Variants in MYBPC1 observed in about 807,000 individuals in gnomAD.
MYBPC1 encodes the protein myosin-binding protein C, slow-type.
A neutral mutation model predicts 147.1 loss-of-function variants in MYBPC1; 52 were observed. That is an observed-to-expected ratio of 0.35 (90% CI 0.28 to 0.45). MYBPC1 has a LOEUF of 0.45. Ranked by LOEUF, MYBPC1 falls within the 20% of genes least tolerant of loss-of-function variation. MYBPC1 has a pLI of 1.00. For synonymous variants in MYBPC1, 477 were observed against 475.9 expected (o/e 1.00, Z -0.03); for missense variants, 1,228 against 1,440.3 (o/e 0.85, Z 2.39).
In MYBPC1 at chr12:101,617,223, C is replaced by T; in HGVS notation, c.83C>T (p.Ala28Val). 1 of 1,613,732 alleles carries T rather than the reference C, an allele frequency of 6.2e-7. No homozygotes were observed. Among genetic ancestry groups the T allele is most frequent in the Non-Finnish European group, 8.5e-7 (1 of 1,179,836 alleles). The change falls in exon 3 of 32, where the codon GCC becomes GTC. Residue 28 changes from alanine to valine, a missense_variant. This residue lies in a region of MYBPC1 where 151 missense variants were observed against 126.1 expected (regional missense o/e 1.20). Coordinates refer to ENST00000361466, the MANE Select transcript of MYBPC1 (RefSeq NM_002465.4). ...PPEEPSKEKEAGTTPAKDEEE... is the reference protein window; with the variant it reads ...PPEEPSKEKEVGTTPAKDEEE... ...ACAGAACCAAGTAAAGAGAAGGAGG[C>T]CGGAACTACACCAGCAAAAGGTGAG...
downstream of MYBPC1, among the ~76,000 whole-genome samples, chr12:101,690,597 T>C (rs561148328): frequency 3.3e-5 from 5 of 152,288 alleles, no homozygotes; most frequent in South Asian, 1.0e-3. Context: ...AGAAAAAGAT[T>C]ATAAATAAAA....
chr12:101,600,702 A>T (rs1879552458), intron 1 of MYBPC1, among the ~76,000 whole-genome samples: 1 of 152,214 alleles, frequency 6.6e-6, no homozygotes, highest in African/African-American at 2.4e-5. Flanking sequence ...GATTATAATT[A>T]ATAATGACTA....
At chr12:101,659,970 CT>C in intron 19 of MYBPC1, 139 bp downstream of exon 19, 1 of 1,156,944 alleles carries the variant, frequency 8.6e-7, no homozygotes, top group Admixed American at 2.0e-5. Flanking sequence ...GCCTAGAGGA[CT>C]TATCATTGGA....
In MYBPC1 at chr12:101,673,435, A is replaced by G. The variant is rs967682894; in HGVS notation, c.2622A>G (p.Pro874=). The G allele has an allele frequency of 2.5e-6, 4 of 1,612,532 alleles. No homozygotes were observed. In the African/African-American group the frequency reaches 5.3e-5, roughly 22 times the overall value. The stretch of plus-strand genomic sequence containing the variant: ...GCTGTCTTTCTTTTTAGGGAAAACC[A>G]AGACCAGAATTAACTTGGAAGAAGG... ...VNLVIPFQGK[P]RPELTWKKDG... Residue 874 remains proline, a synonymous_variant, in exon 25 of 32, where the codon CCA becomes CCG. Coordinates refer to ENST00000361466, the MANE Select transcript of MYBPC1 (RefSeq NM_002465.4).
At chr12:101,686,615 A>AG (rs1951351208), downstream of MYBPC1, among the ~76,000 whole-genome samples, 2 of 152,212 alleles carry the variant, frequency 1.3e-5, no homozygotes, top group Admixed American at 1.3e-4. Flanking sequence ...AAGGTACCAC[A>AG]GCATTACTGT....
intron 15 of MYBPC1, 42 bp downstream of exon 15, chr12:101,649,468 A>G (rs760405193): frequency 3.7e-6 from 6 of 1,603,188 alleles, no homozygotes; most frequent in Non-Finnish European, 5.1e-6. Flanking sequence ...TGGGCTTATT[A>G]ATGATGGTTG....
rs765189632 is a variant in MYBPC1 at position 101,651,212 on chromosome 12, T to C, written c.1364-19T>C. On this transcript the variant is annotated intron_variant, in intron 15 of 31. Transcript: ENST00000361466. The stretch of plus-strand genomic sequence containing the variant: ...GGGAGTTTGGGCTTGGCATTTGTGA[T>C]GGTCTATCATTTCTACAGTGAAACC... 8.1e-6 allele frequency: 13 copies of C among 1,613,978 alleles called. No homozygotes were observed. In the East Asian group the frequency reaches 2.9e-4, roughly 36 times the overall value.
At chr12:101,645,250 G>A (rs901099082) in intron 12 of MYBPC1, among the ~76,000 whole-genome samples, 2 of 152,132 alleles carry the variant, frequency 1.3e-5, no homozygotes, top group African/African-American at 4.8e-5. Flanking sequence ...ACTGTTTTGA[G>A]CACTTGCAAT....
chr12:101,663,187 A>G (rs750462871), intron 21 of MYBPC1, among the ~76,000 whole-genome samples: 1 of 152,218 alleles, frequency 6.6e-6, no homozygotes, highest in Non-Finnish European at 1.5e-5. Context: ...TGGGCCTCCC[A>G]GCTTCCCACA....
At chr12:101,627,957 T>C in intron 5 of MYBPC1, 153 bp downstream of exon 5, 1 of 887,942 alleles carries the variant, frequency 1.1e-6, no homozygotes, top group Non-Finnish European at 1.8e-6. Flanking sequence ...ACAAGAAAAC[T>C]AATGTATTGA....
chr12:101,683,695 A>G lies in MYBPC1; in HGVS notation c.3493-687A>G, dbSNP rs78589117. Among the ~76,000 whole-genome samples, 113 of 152,308 alleles carry G rather than the reference A, an allele frequency of 7.4e-4. 1 individual carries two copies. Among genetic ancestry groups the G allele is most frequent in the African/African-American group, 2.5e-3 (102 of 41,564 alleles). ...AATTAAGAGTTTTTTGCAGCTGGGT[A>G]TGCAACCTGATAAAAACCCTGATAA... On this transcript the variant is annotated intron_variant, in intron 30 of 31. Transcript: ENST00000361466.
rs1457883727 is a variant in MYBPC1 at position 101,685,780 on chromosome 12, T to C, written c.*218T>C. 1.1e-5 allele frequency: 9 copies of C among 817,050 alleles called. No homozygotes were observed. Among genetic ancestry groups the C allele is most frequent in the Non-Finnish European group, 1.4e-5 (8 of 552,288 alleles). 50.6% of individuals were successfully genotyped at this position (817,050 alleles called of 1,614,324 possible). On this transcript the variant is annotated 3_prime_UTR_variant, in exon 32 of 32. Transcript: ENST00000361466. ...TGTTTTCCCACCAGGCCCCCAAGTGTGGTCTTTTTCTTTCCTCCTAATGTT... is the reference window on the plus strand; with the variant it reads ...TGTTTTCCCACCAGGCCCCCAAGTGCGGTCTTTTTCTTTCCTCCTAATGTT...
rs549782482 is a variant in MYBPC1 at position 101,640,232 on chromosome 12, G to C, written c.666-2187G>C. Among the ~76,000 whole-genome samples, 315 of 152,130 alleles carry C rather than the reference G, an allele frequency of 2.1e-3. 2 individuals are homozygous for C. Among genetic ancestry groups the C allele is most frequent in the African/African-American group, 7.2e-3 (299 of 41,492 alleles). ...TCACCATGTTGCCCAGGCTGGTCTC[G>C]AACTCCTGAGCCCAAGTAATCTTCC... On this transcript the variant is annotated intron_variant, in intron 10 of 31. Coordinates refer to ENST00000361466, the MANE Select transcript of MYBPC1 (RefSeq NM_002465.4).
Position 101,673,529 on chromosome 12 carries a change from A to G in MYBPC1, c.2716A>G (p.Arg906Gly). The change falls in exon 25 of 32, where the codon AGA becomes GGA. Residue 906 changes from arginine to glycine, a missense_variant. Physicochemically the swap from Arg to Gly is moderately radical, Grantham distance 125. Transcript: ENST00000361466. ...TGAGACTGATACAATCATATTTATT[A>G]GAAAAGCAGAGAGGAGCCACTCTGG... Reference protein sequence around the residue: ...NSETDTIIFIRKAERSHSGKY... With the variant: ...NSETDTIIFIGKAERSHSGKY... 6.2e-7 allele frequency: 1 copy of G among 1,614,192 alleles called. No individual in the cohort carries two copies. Among genetic ancestry groups the G allele is most frequent in the Non-Finnish European group, 8.5e-7 (1 of 1,180,006 alleles).
intron 13 of MYBPC1, 191 bp downstream of exon 13, chr12:101,647,078 T>G: frequency 1.5e-6 from 1 of 671,596 alleles, no homozygotes; most frequent in Non-Finnish European, 2.5e-6. Context: ...AAATGCCTCA[T>G]GTTTTGACTC....
In MYBPC1 at chr12:101,648,046, G is replaced by A; in HGVS notation, c.1092G>A (p.Glu364=). The A allele has an allele frequency of 6.2e-7, 1 of 1,606,768 alleles. No homozygotes were observed. The highest frequency in any genetic ancestry group is 8.5e-7 in the Non-Finnish European group (1 of 1,173,598). The change falls in exon 14 of 32, where the codon GAG becomes GAA. Residue 364 remains glutamate, a splice_region_variant and synonymous_variant. Transcript: ENST00000361466. The stretch of plus-strand genomic sequence containing the variant: ...TGATTTCCCCTTTTTGTATACTAGA[G>A]CCTCCAATTATGGTGACCAAACAGC... ...EKCSTELFVR[E]PPIMVTKQLE...
intron 15 of MYBPC1, among the ~76,000 whole-genome samples, chr12:101,649,783 T>G (rs1028696469): frequency 2.0e-5 from 3 of 152,182 alleles, no homozygotes; most frequent in African/African-American, 7.2e-5. Flanking sequence ...GCAATTACAT[T>G]TGGCATGAGA....
intron 10 of MYBPC1, 90 bp downstream of exon 10, chr12:101,636,818 C>A: frequency 9.2e-7 from 1 of 1,088,006 alleles, no homozygotes; most frequent in Non-Finnish European, 1.4e-6. Context: ...GGATGTTCTT[C>A]AGAGAATTTT....
chr12:101,695,621 A>C, the MYBPC1 span, among the ~76,000 whole-genome samples: 77,214 of 151,272 alleles, frequency 0.51, 20,622 homozygotes, highest in Admixed American at 0.6. Flanking sequence ...CTGTCCTCTT[A>C]CTCCTTCCTG....
Sources: gnomAD v4.1 joint callset for allele counts (sites outside exome capture counted in the v4.1 genomes callset) on GRCh38, gnomAD v4.1.1 for gene constraint, gnomAD v4.1.1 regional missense constraint, MANE v1.5 for transcripts, NCBI Gene and HGNC (gene_info 2026-07-23, HGNC 2026-07-21) for gene names.